NCOA2: variants seen among roughly 807,000 people sequenced by gnomAD.
The protein encoded by NCOA2 is class E basic helix-loop-helix protein 75.
Under a neutral mutation model 145.1 loss-of-function variants are expected in NCOA2, and 21 were observed. That is an observed-to-expected ratio of 0.14 (90% CI 0.10 to 0.21). The LOEUF (loss-of-function observed/expected upper bound fraction) is 0.21. NCOA2 is among the 10% of genes least tolerant of loss of function. The pLI is 1.00. For synonymous variants in NCOA2, 619 were observed against 637.5 expected, an observed-to-expected ratio of 0.97 and a Z score of 0.44; for missense variants, 1,472 against 1,837.6, an observed-to-expected ratio of 0.80 and a Z score of 3.64.
the NCOA2 span, among the ~76,000 whole-genome samples, chr8:70,418,551 A>G: frequency 0.027 from 4,074 of 152,228 alleles, 172 homozygotes; most frequent in African/African-American, 0.093. Context: ...CCACTGCTAA[A>G]TCCCCAGTCT....
upstream of NCOA2, among the ~76,000 whole-genome samples, chr8:70,405,446 T>TTTTTTTG (rs1814734437): frequency 8.3e-6 from 1 of 120,708 alleles, no homozygotes; most frequent in Non-Finnish European, 1.7e-5. Context: ...GGTTTTTTTT[T>TTTTTTTG]TTTTTTTTTT....
the NCOA2 span, among the ~76,000 whole-genome samples, chr8:70,420,339 T>C: frequency 1.3e-5 from 2 of 152,208 alleles, no homozygotes; most frequent in Non-Finnish European, 2.9e-5. Flanking sequence ...AGGCAGAAGT[T>C]CTTAATCTTG....
intron 1 of NCOA2, among the ~76,000 whole-genome samples, chr8:70,386,111 T>G (rs1812638324): frequency 1.3e-5 from 2 of 152,188 alleles, no homozygotes. Flanking sequence ...CATGACCCTC[T>G]GTGCTTAGGA....
At chr8:70,236,569 T>C (rs952339330) in intron 2 of NCOA2, among the ~76,000 whole-genome samples, 7 of 152,166 alleles carry the variant, frequency 4.6e-5, no homozygotes, top group Non-Finnish European at 8.8e-5. Context: ...CCTCCCAAGA[T>C]TAAATTCCCC....
intron 2 of NCOA2, among the ~76,000 whole-genome samples, chr8:70,242,598 T>G (rs1822238232): frequency 6.6e-6 from 1 of 152,132 alleles, no homozygotes; most frequent in Admixed American, 6.6e-5. Context: ...GCAAATCCTA[T>G]AAGAGGTACC....
At chr8:70,449,092 C>A in the NCOA2 span, among the ~76,000 whole-genome samples, 2 of 152,136 alleles carry the variant, frequency 1.3e-5, no homozygotes, top group African/African-American at 4.8e-5. Context: ...AGGCGTGAAC[C>A]ACAGCACCTG....
the NCOA2 span, among the ~76,000 whole-genome samples, chr8:70,438,272 A>G: frequency 2.0e-5 from 3 of 152,066 alleles, no homozygotes; most frequent in Non-Finnish European, 2.9e-5. Flanking sequence ...CAACTTTCCT[A>G]TTTACTAATT....
At chr8:70,202,906 G>T (rs1345328270) in intron 4 of NCOA2, among the ~76,000 whole-genome samples, 1 of 152,136 alleles carries the variant, frequency 6.6e-6, no homozygotes, top group African/African-American at 2.4e-5. Flanking sequence ...GAAAATAGTT[G>T]CAAGGGCTGG....
chr8:70,346,863 T>C (rs960623979), intron 1 of NCOA2, among the ~76,000 whole-genome samples: 13 of 152,220 alleles, frequency 8.5e-5, no homozygotes, highest in African/African-American at 2.9e-4. Context: ...AATCTTTTAT[T>C]ATGAGGACAT....
At chr8:70,250,412 A>G (rs1471793661) in intron 2 of NCOA2, among the ~76,000 whole-genome samples, 1 of 150,020 alleles carries the variant, frequency 6.7e-6, no homozygotes, top group Non-Finnish European at 1.5e-5. Flanking sequence ...AAAAAAAAAA[A>G]AAAAAAAAAG....
chr8:70,353,884 C>A (rs537000289), intron 1 of NCOA2, among the ~76,000 whole-genome samples: 9 of 152,094 alleles, frequency 5.9e-5, no homozygotes, highest in Non-Finnish European at 1.0e-4. Context: ...AATACACTGA[C>A]CCTTATAAAT....
At chr8:70,187,891 A>G (rs1475788793) in intron 4 of NCOA2, among the ~76,000 whole-genome samples, 1 of 152,252 alleles carries the variant, frequency 6.6e-6, no homozygotes, top group African/African-American at 2.4e-5. Context: ...CTAATTTAGT[A>G]ATACACTATC....
chr8:70,340,692 C>G (rs1480344720), intron 1 of NCOA2, among the ~76,000 whole-genome samples: 1 of 151,832 alleles, frequency 6.6e-6, no homozygotes, highest in Non-Finnish European at 1.5e-5. Flanking sequence ...ATGGAATCAA[C>G]ATGATAGACT....
chr8:70,292,904 A>T (rs547005440), intron 2 of NCOA2, among the ~76,000 whole-genome samples: 1 of 152,372 alleles, frequency 6.6e-6, no homozygotes, highest in East Asian at 1.9e-4. Context: ...ACCCATCAGA[A>T]GATCATTTCA....
intron 2 of NCOA2, among the ~76,000 whole-genome samples, chr8:70,270,726 C>G (rs1471825653): frequency 6.6e-6 from 1 of 152,140 alleles, no homozygotes; most frequent in East Asian, 1.9e-4. Flanking sequence ...TAACAACAAC[C>G]AGATTGAAAT....
At chr8:70,366,581 AATT>A (rs1810712853) in intron 1 of NCOA2, among the ~76,000 whole-genome samples, 1 of 151,544 alleles carries the variant, frequency 6.6e-6, no homozygotes, top group Non-Finnish European at 1.5e-5. Context: ...CAAATTTACA[AATT>A]ATATTTTTTG....
chr8:70,128,418 G>GGTAT lies in NCOA2; in HGVS notation c.3681+11_3681+14dup. ...ATGCATACAATGAAAGCTAATGGCT[G>GGTAT]GTATGTTGCCTTACCTGTGTTGGTA... On this transcript the variant is annotated intron_variant, in intron 18 of 22. Coordinates refer to ENST00000452400, the MANE Select transcript of NCOA2 (RefSeq NM_006540.4). 6.2e-7 allele frequency: 1 copy of GGTAT among 1,604,736 alleles called. No individual in the cohort carries two copies. Among genetic ancestry groups the GGTAT allele is most frequent in the Non-Finnish European group, 8.5e-7 (1 of 1,174,234 alleles).
chr8:70,233,340 T>G (rs1467396997), intron 2 of NCOA2, among the ~76,000 whole-genome samples: 1 of 152,220 alleles, frequency 6.6e-6, no homozygotes, highest in Non-Finnish European at 1.5e-5. Context: ...TGTATGAATA[T>G]TCACACTAAA....
intron 2 of NCOA2, among the ~76,000 whole-genome samples, chr8:70,276,200 G>A (rs1825452210): frequency 6.6e-6 from 1 of 151,910 alleles, no homozygotes; most frequent in African/African-American, 2.4e-5. Context: ...AAGAGAAAAA[G>A]AAATTAAGGA....
Sources: allele counts gnomAD v4.1 joint callset (sites outside exome capture counted in the v4.1 genomes callset), GRCh38; gene constraint gnomAD v4.1.1; transcripts MANE v1.5; gene names NCBI Gene and HGNC (gene_info 2026-07-23, HGNC 2026-07-21).